The following CDK8 variants were observed in gnomAD, a reference collection of about 807,000 sequenced individuals.
The protein encoded by CDK8 is cyclin-dependent kinase 8.
A neutral mutation model predicts 71.5 loss-of-function variants in CDK8; 29 were observed. The observed-to-expected ratio is 0.41, with a 90% CI of 0.30 to 0.55. The LOEUF (loss-of-function observed/expected upper bound fraction) is 0.55. Among genes scored for constraint, CDK8 ranks in the 20% least tolerant of loss-of-function variants. The pLI is 0.37. For missense variants in CDK8, 288 were observed against 572.6 expected, an observed-to-expected ratio of 0.50 and a Z score of 5.07; for synonymous variants, 161 against 192.1, an observed-to-expected ratio of 0.84 and a Z score of 1.34.
At chr13:26,255,003 C>G (rs1319965276) in intron 1 of CDK8, among the ~76,000 whole-genome samples, 1 of 152,242 alleles carries the variant, frequency 6.6e-6, no homozygotes, top group Non-Finnish European at 1.5e-5. Flanking sequence ...GCAAGATGAG[C>G]CTCTGCACCG....
At chr13:26,367,681 A>ACTG in intron 4 of CDK8, among the ~76,000 whole-genome samples, 1 of 152,320 alleles carries the variant, frequency 6.6e-6, no homozygotes, top group East Asian at 1.9e-4. Context: ...CGTTTTGTTT[A>ACTG]CTGCTATATC....
chr13:26,387,924 C>T (rs1269582699), intron 6 of CDK8, among the ~76,000 whole-genome samples: 1 of 152,176 alleles, frequency 6.6e-6, no homozygotes, highest in African/African-American at 2.4e-5. Flanking sequence ...AACAGGTGTA[C>T]CTCACCTCAC....
intron 1 of CDK8, among the ~76,000 whole-genome samples, chr13:26,276,886 A>G (rs1872580504): frequency 6.6e-6 from 1 of 152,230 alleles, no homozygotes; most frequent in Admixed American, 6.5e-5. Context: ...GACTAAATTC[A>G]ATAAAAACAA....
intron 4 of CDK8, among the ~76,000 whole-genome samples, chr13:26,368,782 T>C (rs768289160): frequency 6.6e-6 from 1 of 152,222 alleles, no homozygotes; most frequent in Non-Finnish European, 1.5e-5. Flanking sequence ...GGTTAAGTTG[T>C]TTGTTTCTAA....
At chr13:26,278,475 T>C (rs1342917362) in intron 1 of CDK8, among the ~76,000 whole-genome samples, 1 of 152,104 alleles carries the variant, frequency 6.6e-6, no homozygotes, top group Non-Finnish European at 1.5e-5. Context: ...AGGGTGGTGT[T>C]GAGAATTAGT....
chr13:26,289,407 C>T (rs1162101550), intron 1 of CDK8, among the ~76,000 whole-genome samples: 2 of 151,974 alleles, frequency 1.3e-5, no homozygotes, highest in African/African-American at 2.4e-5. Context: ...TACATTTATA[C>T]GTAGGTATTT....
At chr13:26,379,346 T>A (rs896916720) in intron 4 of CDK8, among the ~76,000 whole-genome samples, 1 of 152,200 alleles carries the variant, frequency 6.6e-6, no homozygotes, top group Non-Finnish European at 1.5e-5. Flanking sequence ...AGTAATTTTT[T>A]AATTATTAAC....
chr13:26,272,318 A>G (rs1019417735), intron 1 of CDK8, among the ~76,000 whole-genome samples: 4 of 149,796 alleles, frequency 2.7e-5, no homozygotes, highest in Non-Finnish European at 5.9e-5. Flanking sequence ...TTAAAGAAAA[A>G]GAAAAAAAAG....
intron 1 of CDK8, among the ~76,000 whole-genome samples, chr13:26,258,702 C>T (rs73160303): frequency 8.6e-5 from 13 of 151,968 alleles, no homozygotes; most frequent in Non-Finnish European, 1.8e-4. Context: ...AGGGTCTTTT[C>T]TAGTATTATG....
intron 1 of CDK8, among the ~76,000 whole-genome samples, chr13:26,321,987 A>G (rs186387335): frequency 3.9e-5 from 6 of 152,288 alleles, no homozygotes; most frequent in Admixed American, 3.3e-4. Flanking sequence ...CATGTATCTT[A>G]AATGCCTAGT....
chr13:26,364,325 T>A (rs1356858223), intron 4 of CDK8, among the ~76,000 whole-genome samples: 1 of 152,206 alleles, frequency 6.6e-6, no homozygotes, highest in Non-Finnish European at 1.5e-5. Flanking sequence ...AACTTTTGAT[T>A]CAGTTATGTA....
At chr13:26,324,123 A>G (rs1364763528) in intron 1 of CDK8, among the ~76,000 whole-genome samples, 1 of 152,220 alleles carries the variant, frequency 6.6e-6, no homozygotes, top group Admixed American at 6.5e-5. Context: ...TACAGAGTGC[A>G]AGAGTGAGAA....
intron 2 of CDK8, among the ~76,000 whole-genome samples, chr13:26,343,695 G>A (rs967736550): frequency 2.0e-5 from 3 of 152,230 alleles, no homozygotes; most frequent in African/African-American, 7.2e-5. Context: ...TATAAGCACT[G>A]TACACTTAGG....
At chr13:26,335,141 C>A (rs983862594) in intron 1 of CDK8, among the ~76,000 whole-genome samples, 2 of 152,110 alleles carry the variant, frequency 1.3e-5, no homozygotes, top group African/African-American at 4.8e-5. Context: ...TACTCCAGCA[C>A]CTGCCTTATT....
At chr13:26,293,685 T>C (rs1290325492) in intron 1 of CDK8, among the ~76,000 whole-genome samples, 2 of 151,940 alleles carry the variant, frequency 1.3e-5, no homozygotes, top group African/African-American at 4.8e-5. Flanking sequence ...TTTTGTGATA[T>C]ACAGTTTTAA....
chr13:26,394,455 T>C (rs1875892346), intron 7 of CDK8, among the ~76,000 whole-genome samples: 1 of 152,246 alleles, frequency 6.6e-6, no homozygotes, highest in Non-Finnish European at 1.5e-5. Flanking sequence ...GTACCTGCCA[T>C]GTGCCAGGCA....
chr13:26,347,393 T>G (rs1873503334), intron 2 of CDK8, among the ~76,000 whole-genome samples: 1 of 152,204 alleles, frequency 6.6e-6, no homozygotes, highest in African/African-American at 2.4e-5. Flanking sequence ...TAATGAATGT[T>G]GCATCTTCTA....
At chr13:26,280,981 G>A (rs865880715) in intron 1 of CDK8, among the ~76,000 whole-genome samples, 26 of 152,194 alleles carry the variant, frequency 1.7e-4, no homozygotes, top group Admixed American at 6.5e-4. Flanking sequence ...CTGTGAGACC[G>A]GCAGAAATCT....
At chr13:26,361,765 T>G (rs1874145391) in intron 4 of CDK8, among the ~76,000 whole-genome samples, 1 of 150,174 alleles carries the variant, frequency 6.7e-6, no homozygotes. Context: ...ATTTTCTTTT[T>G]GTCTTTCTTT....
Sources: allele counts gnomAD v4.1 joint callset (sites outside exome capture counted in the v4.1 genomes callset), GRCh38; gene constraint gnomAD v4.1.1; transcripts MANE v1.5; gene names NCBI Gene and HGNC (gene_info 2026-07-23, HGNC 2026-07-21).